Variants in SLC25A37 observed in about 807,000 individuals in gnomAD.
The protein encoded by SLC25A37 is mitoferrin-1.
In SLC25A37, 17 loss-of-function variants were observed where a neutral mutation model predicts 31.0. That is an observed-to-expected ratio of 0.55 (90% CI 0.38 to 0.82). The LOEUF (loss-of-function observed/expected upper bound fraction) is 0.82, where lower values mean the gene tolerates loss of function less well. Ranked by LOEUF, SLC25A37 falls within the 40% of genes least tolerant of loss-of-function variation. The probability of loss-of-function intolerance (pLI) is 0.00; values close to 1 mark genes in which losing one functional copy is unlikely to be tolerated. For synonymous variants in SLC25A37, 222 were observed against 193.0 expected, an observed-to-expected ratio of 1.15 and a Z score of -1.24; for missense variants, 404 against 465.8, an observed-to-expected ratio of 0.87 and a Z score of 1.22.
intron 1 of SLC25A37, among the ~76,000 whole-genome samples, chr8:23,537,754 A>G (rs1330854223): frequency 6.6e-6 from 1 of 152,104 alleles, no homozygotes; most frequent in Admixed American, 6.5e-5. Context: ...GGGAGAGGTA[A>G]GTTTAGCTGA....
At chr8:23,566,937 G>A in intron 2 of SLC25A37, 1 of 596,774 alleles carries the variant, frequency 1.7e-6, no homozygotes, top group Non-Finnish European at 2.1e-6. Context: ...TCATCTCTCT[G>A]CAAGCAAGGG....
In SLC25A37 at chr8:23,529,006, G is replaced by C; in HGVS notation, c.4G>C (p.Glu2Gln). ...CTGCGCCCCGCCGAGCTGGCGGATGGAGCTGCGCAGCGGGAGCGTGGGCAG... is the reference window on the plus strand; with the variant it reads ...CTGCGCCCCGCCGAGCTGGCGGATGCAGCTGCGCAGCGGGAGCGTGGGCAG... The part of the protein sequence containing the change: M[E>Q]LRSGSVGSQA... Residue 2 changes from glutamate (E) to glutamine (Q), a missense_variant, in exon 1 of 4, where the codon GAG becomes CAG. Around this residue, in one of 3 missense-constraint regions of SLC25A37, gnomAD observed 154 missense variants for 153.6 expected, o/e 1.00. Coordinates refer to ENST00000519973, the MANE Select transcript of SLC25A37 (RefSeq NM_016612.4). The surrounding 1 kb of genome is among the most constrained non-coding windows in gnomAD (Gnocchi z 4.1). 1 of 1,519,092 alleles carries C rather than the reference G, an allele frequency of 6.6e-7. No homozygotes were observed. Among genetic ancestry groups the C allele is most frequent in the South Asian group, 1.2e-5 (1 of 80,380 alleles). The allele number at this position is 1,519,092 out of a possible 1,614,324, so 94.1% of individuals were successfully genotyped here.
intron 1 of SLC25A37, among the ~76,000 whole-genome samples, chr8:23,530,794 C>T (rs1427342604): frequency 6.6e-6 from 1 of 152,136 alleles, no homozygotes; most frequent in Non-Finnish European, 1.5e-5. Context: ...ATTCGGGAAC[C>T]CCACAGTGAG....
At chr8:23,553,634 A>G (rs1306614047) in intron 1 of SLC25A37, among the ~76,000 whole-genome samples, 1 of 152,182 alleles carries the variant, frequency 6.6e-6, no homozygotes, top group Non-Finnish European at 1.5e-5. Flanking sequence ...TTAGCCTTTG[A>G]ATACTGACGG....
intron 1 of SLC25A37, among the ~76,000 whole-genome samples, chr8:23,560,165 G>C (rs950159697): frequency 6.6e-6 from 1 of 152,228 alleles, no homozygotes; most frequent in Non-Finnish European, 1.5e-5. Flanking sequence ...CTACTCAGGA[G>C]GCTGAGGTGG....
intron 1 of SLC25A37, among the ~76,000 whole-genome samples, chr8:23,555,404 C>G (rs1463673851): frequency 6.6e-6 from 1 of 152,126 alleles, no homozygotes; most frequent in Non-Finnish European, 1.5e-5. Flanking sequence ...GATCTGGACT[C>G]TGGATCTCTA....
In SLC25A37 at chr8:23,538,059, A is replaced by G. The variant is rs1385568093; in HGVS notation, c.210+8847A>G. ...AAGGCACGGCTTTTTAAAAAAGATG[A>G]AAAAAAAAAAAGTTATGAAAAGCTT... is the stretch of plus-strand genomic sequence containing the variant. On this transcript the variant is annotated intron_variant, in intron 1 of 3. Coordinates refer to ENST00000519973, the MANE Select transcript of SLC25A37 (RefSeq NM_016612.4). Among the ~76,000 whole-genome samples the G allele has an allele frequency of 8.8e-5, 7 of 79,508 alleles. No individual in the cohort carries two copies. In the Admixed American group the frequency reaches 1.2e-3, roughly 14 times the overall value. The allele number at this position is 79,508 out of a possible 152,430, so 52.2% of individuals were successfully genotyped here.
intron 1 of SLC25A37, among the ~76,000 whole-genome samples, chr8:23,536,996 G>T (rs1308837955): frequency 1.3e-5 from 2 of 152,144 alleles, no homozygotes. Flanking sequence ...AGGAGTTGGA[G>T]ACCAGCCTGG....
Position 23,534,942 on chromosome 8 carries a change from C to T in SLC25A37, c.210+5730C>T, listed in dbSNP as rs3736029. ...GCACAGACTTCACCTCCACAGATCCCGTCCTCACCCTGAGGATGGCCCCTC... is the reference window on the plus strand; with the variant it reads ...GCACAGACTTCACCTCCACAGATCCTGTCCTCACCCTGAGGATGGCCCCTC... On this transcript the variant is annotated intron_variant, in intron 1 of 3. Coordinates refer to ENST00000519973, the MANE Select transcript of SLC25A37 (RefSeq NM_016612.4). Among the ~76,000 whole-genome samples the T allele has an allele frequency of 1.2e-4, 18 of 152,280 alleles. No homozygotes were observed. The East Asian group carries it at 1.5e-3, about 13-fold the overall frequency.
At chr8:23,564,875 C>G (rs1802611470) in intron 1 of SLC25A37, among the ~76,000 whole-genome samples, 1 of 152,006 alleles carries the variant, frequency 6.6e-6, no homozygotes, top group Non-Finnish European at 1.5e-5. Context: ...GTCTGTCTGT[C>G]TGTCTACCTA....
chr8:23,538,654 G>T (rs1801827062), intron 1 of SLC25A37, among the ~76,000 whole-genome samples: 1 of 151,996 alleles, frequency 6.6e-6, no homozygotes, highest in South Asian at 2.1e-4. Flanking sequence ...CTCTTGGCTA[G>T]GCACTGTGCT....
chr8:23,564,840 T>TCTGTCTACCTACCTAC (rs1276997090), intron 1 of SLC25A37, among the ~76,000 whole-genome samples: 222 of 152,080 alleles, frequency 1.5e-3, no homozygotes, highest in African/African-American at 5.2e-3. Flanking sequence ...TGTCTGTCTG[T>TCTGTCTACCTACCTAC]CTGTCTACCT....
intron 1 of SLC25A37, among the ~76,000 whole-genome samples, chr8:23,530,637 G>T (rs146811940): frequency 7.2e-5 from 11 of 152,200 alleles, no homozygotes; most frequent in Non-Finnish European, 8.8e-5. Flanking sequence ...GCATTTGTAT[G>T]GGAAAGAATC....
intron 1 of SLC25A37, 50 bp from the exon 2 acceptor site, chr8:23,566,058 A>G (rs1474323997): frequency 3.9e-6 from 6 of 1,527,022 alleles, no homozygotes; most frequent in South Asian, 2.7e-5. Flanking sequence ...CTTCTTTACC[A>G]TCCTGATTAA....
chr8:23,537,369 C>T (rs760889964), intron 1 of SLC25A37, among the ~76,000 whole-genome samples: 1 of 152,126 alleles, frequency 6.6e-6, no homozygotes, highest in Non-Finnish European at 1.5e-5. Flanking sequence ...TGTTTATGGT[C>T]TCTCTTCCCT....
rs562653510 is a variant in SLC25A37 at position 23,535,291 on chromosome 8, C to T, written c.210+6079C>T. On this transcript the variant is annotated intron_variant, in intron 1 of 3. Coordinates refer to ENST00000519973, the MANE Select transcript of SLC25A37 (RefSeq NM_016612.4). ...TCAGCTCCACATGTCTGGGCAGCTG[C>T]TTGCATCCTTCACGAGGGTCCTGTT... Among the ~76,000 whole-genome samples, 4 of 152,266 alleles carry T rather than the reference C, an allele frequency of 2.6e-5. No homozygotes were observed. The East Asian group carries it at 7.7e-4, about 29-fold the overall frequency.
chr8:23,559,103 C>G (rs1174232782), intron 1 of SLC25A37, among the ~76,000 whole-genome samples: 5 of 152,182 alleles, frequency 3.3e-5, no homozygotes, highest in Admixed American at 3.3e-4. Context: ...GCTTGCATTG[C>G]TAAAGACAGA....
intron 1 of SLC25A37, among the ~76,000 whole-genome samples, chr8:23,552,034 G>A (rs1802240950): frequency 6.6e-6 from 1 of 152,174 alleles, no homozygotes; most frequent in Non-Finnish European, 1.5e-5. Context: ...AGTCCGATGG[G>A]AGGGATTCAA....
chr8:23,550,228 T>C lies in SLC25A37; in HGVS notation c.211-15880T>C, dbSNP rs1024894378. Among the ~76,000 whole-genome samples, 2 of 136,344 alleles carry C rather than the reference T, an allele frequency of 1.5e-5. 1 individual carries two copies. The highest frequency in any genetic ancestry group is 5.0e-4 in the East Asian group (2 of 3,968). 89.4% of individuals were successfully genotyped at this position (136,344 alleles called of 152,430 possible). ...ACAAAAAAACAAAAACCCGCTTTGT[T>C]ACCTGCCTGTGGGTGGAATTGAGTT... On this transcript the variant is annotated intron_variant, in intron 1 of 3. Transcript: ENST00000519973.
Sources: allele counts gnomAD v4.1 joint callset (sites outside exome capture counted in the v4.1 genomes callset), GRCh38; gene constraint gnomAD v4.1.1; regional missense constraint gnomAD v4.1.1; non-coding constraint Gnocchi (gnomAD v3.1); transcripts MANE v1.5; gene names NCBI Gene and HGNC (gene_info 2026-07-23, HGNC 2026-07-21).